The following RAB9B variants were observed in gnomAD, a reference collection of about 807,000 sequenced individuals.
RAB9B encodes RAB9B, member RAS oncogene family.
Under a neutral mutation model 8.9 loss-of-function variants are expected in RAB9B, and 1 was observed. The ratio of observed to expected loss-of-function variants is 0.11; its 90% confidence interval spans 0.04 to 0.53. The LOEUF (loss-of-function observed/expected upper bound fraction) is 0.53. RAB9B is among the 20% of genes least tolerant of loss of function. The pLI is 0.93. For synonymous variants in RAB9B, 63 were observed against 57.0 expected (o/e 1.10, Z -0.47); for missense variants, 82 against 152.9 (o/e 0.54, Z 2.45).
rs1164495550 is a variant in RAB9B at position 103,822,384 on chromosome X, T to A, written c.*2795A>T. The A allele has an allele frequency of 8.9e-6, 1 of 112,187 alleles. No homozygotes were observed. Among genetic ancestry groups the A allele is most frequent in the Non-Finnish European group, 1.9e-5 (1 of 53,276 alleles). The allele number at this position is 112,187 out of a possible 1,213,427, so 9.2% of individuals were successfully genotyped here. A position where few individuals can be genotyped will look rare whatever the true frequency, so the allele number is the denominator to read the frequency against. On this transcript the variant is annotated 3_prime_UTR_variant, in exon 3 of 3. Transcript: ENST00000243298. Reference sequence around the variant, plus strand: ...TTTAACACAGATGATTTTTTACAGTTGAAAGAAAATATTTGATACACAATT... The same window carrying A: ...TTTAACACAGATGATTTTTTACAGTAGAAAGAAAATATTTGATACACAATT...
At chrX:103,817,953 C>T (rs1472881398), downstream of RAB9B, among the ~76,000 whole-genome samples, 5 of 111,502 alleles carry the variant, frequency 4.5e-5, no homozygotes, top group Non-Finnish European at 7.5e-5. Flanking sequence ...CCCCAACCCA[C>T]CAGTTTTCTA....
the RAB9B span, among the ~76,000 whole-genome samples, chrX:103,785,393 G>A: frequency 8.9e-6 from 1 of 112,423 alleles, no homozygotes; most frequent in Non-Finnish European, 1.9e-5. Flanking sequence ...TTATTTTCAA[G>A]AATGAAACAA....
At chrX:103,815,209 C>T in the RAB9B span, among the ~76,000 whole-genome samples, 14 of 111,944 alleles carry the variant, frequency 1.3e-4, no homozygotes, top group African/African-American at 3.9e-4. Flanking sequence ...ACTGGCAAAC[C>T]GAGTCCAGCA....
the RAB9B span, chrX:103,787,991 G>T: frequency 8.7e-7 from 1 of 1,151,040 alleles, no homozygotes. Context: ...GGGTGCTTTG[G>T]CTCTCCTACC....
chrX:103,804,020 T>G, the RAB9B span, among the ~76,000 whole-genome samples: 1 of 112,788 alleles, frequency 8.9e-6, no homozygotes, highest in African/African-American at 3.2e-5. Context: ...ATTTATCTAT[T>G]TTTTCTTTTG....
chrX:103,819,287 G>A (rs1476463726), downstream of RAB9B, among the ~76,000 whole-genome samples: 1 of 111,914 alleles, frequency 8.9e-6, no homozygotes, highest in African/African-American at 3.3e-5. Context: ...AAATTCAGGA[G>A]TGTTATAGTG....
At chrX:103,784,780 G>T in the RAB9B span, among the ~76,000 whole-genome samples, 1 of 111,904 alleles carries the variant, frequency 8.9e-6, no homozygotes. Flanking sequence ...AAAATATTAG[G>T]TCTACTTAGC....
chrX:103,820,819 G>C (rs146433557), downstream of RAB9B, among the ~76,000 whole-genome samples: 1 of 110,060 alleles, frequency 9.1e-6, no homozygotes, highest in Non-Finnish European at 1.9e-5. Context: ...GTGTGGTGGC[G>C]GGCGCCTGTA....
downstream of RAB9B, among the ~76,000 whole-genome samples, chrX:103,817,551 A>C (rs774942576): frequency 9.1e-6 from 1 of 110,122 alleles, no homozygotes; most frequent in Non-Finnish European, 1.9e-5. Flanking sequence ...CACGTTCTGC[A>C]CATGTAACCC....
the RAB9B span, among the ~76,000 whole-genome samples, chrX:103,799,338 A>G: frequency 9.0e-6 from 1 of 111,418 alleles, no homozygotes; most frequent in Non-Finnish European, 1.9e-5. Context: ...CTGATTGTTA[A>G]AAAGGCATAT....
downstream of RAB9B, among the ~76,000 whole-genome samples, chrX:103,817,569 A>G (rs2074644163): frequency 9.1e-6 from 1 of 109,818 alleles, no homozygotes; most frequent in African/African-American, 3.3e-5. Flanking sequence ...CCCAGAAATT[A>G]AAGTATACAT....
the RAB9B span, chrX:103,781,337 T>G: frequency 3.1e-6 from 1 of 323,425 alleles, no homozygotes; most frequent in Non-Finnish European, 6.1e-6. Context: ...TTGATCTCTG[T>G]CAGACCGCTG....
At chrX:103,794,261 A>G in the RAB9B span, among the ~76,000 whole-genome samples, 12 of 111,434 alleles carry the variant, frequency 1.1e-4, no homozygotes, top group Non-Finnish European at 1.5e-4. Flanking sequence ...AAGGGCCTTG[A>G]CTTCACGTGG....
the RAB9B span, among the ~76,000 whole-genome samples, chrX:103,815,446 G>A: frequency 8.9e-6 from 1 of 112,325 alleles, no homozygotes; most frequent in Non-Finnish European, 1.9e-5. Flanking sequence ...AATAATAAGA[G>A]CTATTTATGA....
the RAB9B span, among the ~76,000 whole-genome samples, chrX:103,780,435 C>CTGTGTGTGTGTGTGTGTGTG: frequency 1.5e-5 from 1 of 68,335 alleles, no homozygotes; most frequent in Non-Finnish European, 2.8e-5. Flanking sequence ...CATTCTGTCT[C>CTGTGTGTGTGTGTGTGTGTG]TCTCTGTGTG....
the RAB9B span, among the ~76,000 whole-genome samples, chrX:103,795,697 C>CA: frequency 4.5e-5 from 5 of 110,319 alleles, no homozygotes; most frequent in Admixed American, 1.9e-4. Context: ...CCACATTATC[C>CA]AAAAAAAAGT....
chrX:103,814,288 C>A, the RAB9B span, among the ~76,000 whole-genome samples: 2 of 111,995 alleles, frequency 1.8e-5, no homozygotes, highest in African/African-American at 6.5e-5. Flanking sequence ...GAATCTCACT[C>A]AAAACCGCAC....
At chrX:103,794,268 G>A in the RAB9B span, among the ~76,000 whole-genome samples, 3 of 111,532 alleles carry the variant, frequency 2.7e-5, no homozygotes, top group Non-Finnish European at 3.8e-5. Flanking sequence ...TTGACTTCAC[G>A]TGGCTCTGGG....
the RAB9B span, among the ~76,000 whole-genome samples, chrX:103,811,089 A>G: frequency 9.0e-6 from 1 of 111,624 alleles, no homozygotes; most frequent in Non-Finnish European, 1.9e-5. Context: ...AATATAAGGG[A>G]TCATGTGCCA....
Sources: gnomAD v4.1 joint callset for allele counts (sites outside exome capture counted in the v4.1 genomes callset) on GRCh38, gnomAD v4.1.1 for gene constraint, MANE v1.5 for transcripts, NCBI Gene and HGNC (gene_info 2026-07-23, HGNC 2026-07-21) for gene names.